ZNF131: variants seen among roughly 807,000 people sequenced by gnomAD.
ZNF131 encodes zinc finger and BTB domain containing 35.
Under a neutral mutation model 60.0 loss-of-function variants are expected in ZNF131, and 7 were observed. The ratio of observed to expected loss-of-function variants is 0.12; its 90% CI spans 0.07 to 0.22. The LOEUF is 0.22. Ranked by LOEUF, ZNF131 falls within the 10% of genes least tolerant of loss-of-function variation. ZNF131 has a pLI of 1.00. For missense variants in ZNF131, 493 were observed against 740.9 expected, an observed-to-expected ratio of 0.67 and a Z score of 3.88; for synonymous variants, 257 against 253.2, an observed-to-expected ratio of 1.01 and a Z score of -0.14.
At chr5:43,153,419 G>C (rs1454279785) in intron 4 of ZNF131, among the ~76,000 whole-genome samples, 4 of 137,390 alleles carry the variant, frequency 2.9e-5, no homozygotes, top group African/African-American at 1.1e-4. Flanking sequence ...AAGGTCAGGA[G>C]TTGGAGACCA....
At chr5:43,164,117 A>G (rs1750076583) in intron 5 of ZNF131, among the ~76,000 whole-genome samples, 1 of 152,226 alleles carries the variant, frequency 6.6e-6, no homozygotes, top group Non-Finnish European at 1.5e-5. Flanking sequence ...ACATGTATAT[A>G]TACAGTCTAC....
chr5:43,143,320 C>T, intron 4 of ZNF131: 1 of 1,245,898 alleles, frequency 8.0e-7, no homozygotes, highest in African/African-American at 1.5e-5. Context: ...TGCGCCCGGC[C>T]TCAAGCTTTT....
chr5:43,164,532 A>G (rs1033103324), intron 5 of ZNF131, among the ~76,000 whole-genome samples: 16 of 152,232 alleles, frequency 1.1e-4, no homozygotes, highest in Non-Finnish European at 1.8e-4. Flanking sequence ...GCAGTTTCCA[A>G]TACCCCAGCA....
intron 5 of ZNF131, among the ~76,000 whole-genome samples, chr5:43,164,811 T>C (rs1039334317): frequency 6.6e-6 from 1 of 152,244 alleles, no homozygotes; most frequent in African/African-American, 2.4e-5. Flanking sequence ...GTAGTTGTTA[T>C]AAATTACTGA....
Position 43,161,328 on chromosome 5 carries a change from T to C in ZNF131, c.451T>C (p.Ser151Pro), listed in dbSNP as rs755159091. Residue 151 changes from serine (S) to proline (P), a missense_variant, in exon 5 of 7, where the codon TCA (serine) becomes CCA (proline). Transcript: ENST00000682664. ...EAKKRKIAET[S>P]NVITESLPSA... ...CAAAAAAAGGAAGATTGCAGAAACT[T>C]CAAATGTTATCACTGAGTCATTGCC... 5.6e-6 allele frequency: 9 copies of C among 1,614,146 alleles called. No homozygotes were observed. Among genetic ancestry groups the C allele is most frequent in the Non-Finnish European group, 7.6e-6 (9 of 1,180,014 alleles).
At chr5:43,122,321 G>C in intron 2 of ZNF131, 144 bp downstream of exon 2, 5 of 1,041,304 alleles carry the variant, frequency 4.8e-6, no homozygotes, top group Non-Finnish European at 6.7e-6. Context: ...TGTGCACTGG[G>C]ACCAGATTGC....
At chr5:43,151,007 C>T (rs1748236644) in intron 4 of ZNF131, among the ~76,000 whole-genome samples, 1 of 152,172 alleles carries the variant, frequency 6.6e-6, no homozygotes, top group Non-Finnish European at 1.5e-5. Context: ...TCTGTATTGA[C>T]TTTTCCACTT....
rs774854834 is a variant in ZNF131, at chr5:43,161,376, G to C, written c.499G>C (p.Glu167Gln). ...SLPSAESEPVEIEVEIAEGTI... is the reference protein window; with the variant it reads ...SLPSAESEPVQIEVEIAEGTI... ...GCCATCTGCAGAATCAGAACCTGTT[G>C]AAATTGAGGTAGAGATTGCCGAAGG... Residue 167 changes from glutamate (E) to glutamine (Q), a missense_variant, in exon 5 of 7, where the codon GAA becomes CAA. Coordinates refer to ENST00000682664, the MANE Select transcript of ZNF131 (RefSeq NM_001330707.2). 1.7e-5 allele frequency: 27 copies of C among 1,614,116 alleles called. No individual in the cohort carries two copies. The highest frequency in any genetic ancestry group is 2.3e-5 in the Non-Finnish European group (27 of 1,180,050).
intron 4 of ZNF131, among the ~76,000 whole-genome samples, chr5:43,149,080 G>A (rs1450453706): frequency 2.6e-5 from 4 of 152,204 alleles, no homozygotes; most frequent in African/African-American, 9.7e-5. Context: ...AGGAGTTCAA[G>A]ACCAGCCTGG....
intron 3 of ZNF131, among the ~76,000 whole-genome samples, chr5:43,129,765 C>T (rs1278697813): frequency 6.6e-6 from 1 of 152,126 alleles, no homozygotes; most frequent in Non-Finnish European, 1.5e-5. Context: ...AGCAGTTCTC[C>T]TGCCTCAGCC....
chr5:43,157,047 T>G (rs1162961695), intron 4 of ZNF131, among the ~76,000 whole-genome samples: 1 of 152,206 alleles, frequency 6.6e-6, no homozygotes, highest in Non-Finnish European at 1.5e-5. Flanking sequence ...TCATCAGCAT[T>G]GTAAACCCAA....
At chr5:43,125,579 G>C (rs1744431971) in intron 3 of ZNF131, among the ~76,000 whole-genome samples, 1 of 151,790 alleles carries the variant, frequency 6.6e-6, no homozygotes, top group Non-Finnish European at 1.5e-5. Flanking sequence ...TCGAGAGGTC[G>C]AGACCAGCCT....
At chr5:43,130,862 G>T (rs1189133288) in intron 3 of ZNF131, among the ~76,000 whole-genome samples, 1 of 150,018 alleles carries the variant, frequency 6.7e-6, no homozygotes, top group East Asian at 2.0e-4. Flanking sequence ...CACCACGCCC[G>T]GCTCTTTTGT....
chr5:43,155,622 T>G (rs1748867437), intron 4 of ZNF131, among the ~76,000 whole-genome samples: 1 of 152,164 alleles, frequency 6.6e-6, no homozygotes, highest in Non-Finnish European at 1.5e-5. Flanking sequence ...ACTTAGAGGT[T>G]GCTGTTTTGC....
chr5:43,174,102 C>T (rs897540774), intron 6 of ZNF131, among the ~76,000 whole-genome samples: 1 of 152,280 alleles, frequency 6.6e-6, no homozygotes, highest in East Asian at 1.9e-4. Flanking sequence ...GTGGCAGATG[C>T]CTGTAATCCC....
chr5:43,125,768 G>A (rs1744466081), intron 3 of ZNF131, among the ~76,000 whole-genome samples: 1 of 151,698 alleles, frequency 6.6e-6, no homozygotes, highest in Non-Finnish European at 1.5e-5. Flanking sequence ...CAACAAGAGT[G>A]AAACTCCGTC....
intron 5 of ZNF131, among the ~76,000 whole-genome samples, chr5:43,166,882 ACTC>A (rs1750434107): frequency 2.1e-5 from 3 of 144,902 alleles, no homozygotes; most frequent in Admixed American, 2.1e-4. Context: ...CTGGTCTTGA[ACTC>A]CTGAGCTCGT....
intron 5 of ZNF131, 25 bp downstream of exon 5, chr5:43,161,956 A>T (rs370297050): frequency 1.0e-5 from 16 of 1,532,466 alleles, no homozygotes; most frequent in African/African-American, 9.8e-5. Flanking sequence ...CTTTGTTAAA[A>T]TTTTTTTTTC....
intron 4 of ZNF131, among the ~76,000 whole-genome samples, chr5:43,153,989 A>G (rs776413859): frequency 6.8e-4 from 104 of 152,316 alleles, no homozygotes; most frequent in Non-Finnish European, 1.3e-3. Flanking sequence ...GTATGTGATA[A>G]AGCTGAACCA....
Sources: gnomAD v4.1 joint callset for allele counts (sites outside exome capture counted in the v4.1 genomes callset) on GRCh38, gnomAD v4.1.1 for gene constraint, MANE v1.5 for transcripts, NCBI Gene and HGNC (gene_info 2026-07-23, HGNC 2026-07-21) for gene names.